The following DHX35 variants were observed in gnomAD, a reference collection of about 807,000 sequenced individuals.
DHX35 encodes probable ATP-dependent RNA helicase DHX35.
In DHX35, 84 loss-of-function variants were observed where a neutral mutation model predicts 99.6. The observed-to-expected ratio is 0.84, with a 90% confidence interval of 0.71 to 1.01. The LOEUF is 1.01. DHX35 is among the 50% of genes least tolerant of loss of function. The pLI is 0.00. For missense variants in DHX35, 852 were observed against 888.5 expected (o/e 0.96, Z 0.52); for synonymous variants, 331 against 316.2 (o/e 1.05, Z -0.50).
rs368224522 is a variant in DHX35 at position 39,019,856 on chromosome 20, A to G, written c.1498+957A>G. Among the ~76,000 whole-genome samples the G allele has an allele frequency of 3.3e-5, 5 of 152,332 alleles. No individual in the cohort carries two copies. In the East Asian group the frequency reaches 7.7e-4, roughly 24 times the overall value. ...TCTAACTGAAACTTTGTACCCTTTG[A>G]TCAACACCTCCTCTTTCTCCATTCA... On this transcript the variant is annotated intron_variant, in intron 15 of 21. Coordinates refer to ENST00000252011, the MANE Select transcript of DHX35 (RefSeq NM_021931.4).
At chr20:38,972,783 T>C in intron 3 of DHX35, 132 bp downstream of exon 3, 1 of 625,748 alleles carries the variant, frequency 1.6e-6, no homozygotes. Flanking sequence ...AACTAGATAT[T>C]TTTTATTAAA....
At chr20:39,002,728 A>G in intron 9 of DHX35, 44 bp from the exon 10 acceptor site, 2 of 1,551,170 alleles carry the variant, frequency 1.3e-6, no homozygotes, top group Non-Finnish European at 1.8e-6. Context: ...TCTGTAATTA[A>G]TGAGCATATT....
At chr20:39,030,819 G>A (rs763907005) in intron 20 of DHX35, 44 bp downstream of exon 20, 3 of 1,587,888 alleles carry the variant, frequency 1.9e-6, no homozygotes, top group Admixed American at 3.4e-5. Flanking sequence ...TTTGAACAGG[G>A]CCATGTTCTT....
At chr20:38,995,989 G>T (rs1350947339) in intron 8 of DHX35, among the ~76,000 whole-genome samples, 1 of 152,130 alleles carries the variant, frequency 6.6e-6, no homozygotes, top group Admixed American at 6.5e-5. Context: ...TTTCTCCAGT[G>T]CTCCCTACAT....
intron 14 of DHX35, among the ~76,000 whole-genome samples, chr20:39,016,505 G>A (rs1029886401): frequency 2.0e-5 from 3 of 152,114 alleles, no homozygotes; most frequent in Non-Finnish European, 4.4e-5. Context: ...ATATTCTGTT[G>A]TATGGATATA....
intron 1 of DHX35, among the ~76,000 whole-genome samples, chr20:38,966,272 A>T (rs1184770515): frequency 2.0e-5 from 3 of 152,242 alleles, no homozygotes; most frequent in Admixed American, 2.0e-4. Flanking sequence ...GCAGCCACAG[A>T]GGGGTGTTTA....
At chr20:39,024,462 T>C (rs924741119) in intron 17 of DHX35, among the ~76,000 whole-genome samples, 4 of 152,236 alleles carry the variant, frequency 2.6e-5, no homozygotes, top group Non-Finnish European at 5.9e-5. Flanking sequence ...TTGAGGAAGA[T>C]TATTCAGTTG....
chr20:39,034,164 C>T lies in DHX35; in HGVS notation c.1956-42C>T, dbSNP rs574993291. On this transcript the variant is annotated intron_variant, in intron 20 of 21. Transcript: ENST00000252011. The stretch of plus-strand genomic sequence containing the variant: ...TCTACCTGTGGTTCCTGACTGTCAT[C>T]ACAAGAGGGGGAAATTAGCTCATGT... 6.1e-6 allele frequency: 9 copies of T among 1,477,776 alleles called. No homozygotes were observed. The South Asian group carries it at 9.1e-5, about 15-fold the overall frequency. 91.5% of individuals were successfully genotyped at this position (1,477,776 alleles called of 1,614,324 possible).
chr20:39,001,911 C>T, intron 9 of DHX35, 69 bp downstream of exon 9: 1 of 1,186,228 alleles, frequency 8.4e-7, no homozygotes, highest in Non-Finnish European at 1.3e-6. Context: ...AATGTCAGAA[C>T]TGCATTTGCT....
chr20:39,034,264 A>G lies in DHX35; in HGVS notation c.2014A>G (p.Ile672Val), dbSNP rs1203958570. The change falls in exon 21 of 22, where the codon ATT becomes GTT. Residue 672 changes from isoleucine to valine, a missense_variant. Physicochemically the swap from Ile to Val is conservative, Grantham distance 29. Coordinates refer to ENST00000252011, the MANE Select transcript of DHX35 (RefSeq NM_021931.4). The stretch of plus-strand genomic sequence containing the variant: ...GTACTACATGAGAGATGTGACTGCC[A>G]TTGAATCGGCCTGGCTGTTGGAGCT... ...SKYYMRDVTA[I>V]ESAWLLELAP... The G allele has an allele frequency of 6.2e-7, 1 of 1,614,224 alleles. No homozygotes were observed. Among genetic ancestry groups the G allele is most frequent in the Admixed American group, 1.7e-5 (1 of 60,032 alleles).
At chr20:38,983,085 C>A (rs930111774) in intron 3 of DHX35, among the ~76,000 whole-genome samples, 1 of 152,140 alleles carries the variant, frequency 6.6e-6, no homozygotes, top group African/African-American at 2.4e-5. Context: ...GCCACCACAC[C>A]CACCTACGTT....
At chr20:38,972,254 C>T (rs1270691193) in intron 2 of DHX35, among the ~76,000 whole-genome samples, 1 of 152,074 alleles carries the variant, frequency 6.6e-6, no homozygotes, top group Non-Finnish European at 1.5e-5. Flanking sequence ...ATGATCCACC[C>T]CCGGCCCTGG....
rs373257340 is a variant in DHX35, at chr20:39,018,224, C to T, written c.1403-580C>T. ...TTTAGTATGAGAAGGGCACAGGACA[C>T]GGGATGCCATCGATACCATCCTGGC... On this transcript the variant is annotated intron_variant, in intron 14 of 21. Transcript: ENST00000252011. 5.3e-5 allele frequency among the ~76,000 whole-genome samples: 8 copies of T among 152,186 alleles called. No homozygotes were observed. The South Asian group carries it at 8.3e-4, about 16-fold the overall frequency.
intron 12 of DHX35, 39 bp downstream of exon 12, chr20:39,006,395 T>C (rs749153586): frequency 1.9e-6 from 3 of 1,600,190 alleles, no homozygotes; most frequent in Non-Finnish European, 2.6e-6. Context: ...GACTTTCTTA[T>C]AGTCAGCCTG....
chr20:38,975,685 G>A (rs773970284), intron 3 of DHX35, among the ~76,000 whole-genome samples: 1 of 152,134 alleles, frequency 6.6e-6, no homozygotes, highest in African/African-American at 2.4e-5. Flanking sequence ...AAAACACAAA[G>A]GTTTATTTCT....
chr20:39,038,351 C>A, intron 21 of DHX35, 148 bp from the exon 22 acceptor site: 1 of 916,438 alleles, frequency 1.1e-6, no homozygotes. Context: ...CTTTTTCCTT[C>A]CAGGCTGTTT....
At chr20:38,996,425 A>G (rs759560394) in intron 8 of DHX35, among the ~76,000 whole-genome samples, 17 of 152,206 alleles carry the variant, frequency 1.1e-4, no homozygotes, top group Non-Finnish European at 1.9e-4. Context: ...TTGGGGTCAG[A>G]TGACGGAAAG....
At chr20:38,989,097 C>CTTTTTTTTT (rs375064892) in intron 5 of DHX35, among the ~76,000 whole-genome samples, 180 bp downstream of exon 5, 1 of 125,330 alleles carries the variant, frequency 8.0e-6, no homozygotes, top group Non-Finnish European at 1.7e-5. Flanking sequence ...TTCCTTTTTT[C>CTTTTTTTTT]TTTTTTTTTT....
intron 8 of DHX35, among the ~76,000 whole-genome samples, chr20:38,995,179 ATTTG>A (rs1463333059): frequency 3.3e-5 from 5 of 152,066 alleles, no homozygotes; most frequent in Non-Finnish European, 5.9e-5. Flanking sequence ...TATTTCTTGA[ATTTG>A]TTTATTTATG....
Sources: gnomAD v4.1 joint callset for allele counts (sites outside exome capture counted in the v4.1 genomes callset) on GRCh38, gnomAD v4.1.1 for gene constraint, MANE v1.5 for transcripts, NCBI Gene and HGNC (gene_info 2026-07-23, HGNC 2026-07-21) for gene names.